Variants in FBLN5 observed in about 807,000 individuals in gnomAD.
The protein encoded by FBLN5 is fibulin 5.
A neutral mutation model predicts 61.6 loss-of-function variants in FBLN5; 24 were observed. That is an observed-to-expected ratio of 0.39 (90% confidence interval 0.28 to 0.55). FBLN5 has a LOEUF of 0.55. FBLN5 is among the 20% of genes least tolerant of loss of function. FBLN5 has a pLI of 0.65. For missense variants in FBLN5, 470 were observed against 594.1 expected (o/e 0.79, Z 2.17); for synonymous variants, 213 against 219.8 (o/e 0.97, Z 0.27).
intron 1 of FBLN5, among the ~76,000 whole-genome samples, chr14:91,944,771 G>A (rs927981557): frequency 2.0e-5 from 3 of 152,194 alleles, no homozygotes; most frequent in Non-Finnish European, 2.9e-5. Context: ...GACAAAAAGT[G>A]GAATGTTGGT....
intron 4 of FBLN5, among the ~76,000 whole-genome samples, chr14:91,905,364 G>A (rs1046793525): frequency 6.6e-6 from 1 of 152,146 alleles, no homozygotes; most frequent in Non-Finnish European, 1.5e-5. Context: ...ATGTGAGGGC[G>A]CTGCAGAGGG....
At chr14:91,910,473 G>A (rs1046611232) in intron 4 of FBLN5, among the ~76,000 whole-genome samples, 8 of 152,126 alleles carry the variant, frequency 5.3e-5, no homozygotes, top group South Asian at 4.1e-4. Context: ...TCACACTACC[G>A]CGCTGTGCAC....
intron 10 of FBLN5, among the ~76,000 whole-genome samples, chr14:91,870,976 A>T (rs1888896505): frequency 6.6e-6 from 1 of 152,162 alleles, no homozygotes; most frequent in Non-Finnish European, 1.5e-5. Flanking sequence ...GACACAAAGA[A>T]GGGAAAAACA....
At chr14:91,899,450 T>C (rs1890368128) in intron 4 of FBLN5, among the ~76,000 whole-genome samples, 1 of 152,218 alleles carries the variant, frequency 6.6e-6, no homozygotes. Flanking sequence ...AGCCCAGCAC[T>C]GCCCCTGCCA....
At chr14:91,888,749 G>A (rs1889849526) in intron 6 of FBLN5, among the ~76,000 whole-genome samples, 1 of 152,130 alleles carries the variant, frequency 6.6e-6, no homozygotes, top group Admixed American at 6.5e-5. Flanking sequence ...ACTGGAACAT[G>A]AGTCAGGGGT....
Position 91,869,807 on chromosome 14 carries a change from C to A in FBLN5, c.*417G>T. 1 of 256,876 alleles carries A rather than the reference C, an allele frequency of 3.9e-6. No homozygotes were observed. The highest frequency in any genetic ancestry group is 7.7e-6 in the Non-Finnish European group (1 of 129,862). 15.9% of individuals were successfully genotyped at this position (256,876 alleles called of 1,614,324 possible). A position where few individuals can be genotyped will look rare whatever the true frequency, so the allele number is the denominator to read the frequency against. Reference sequence around the variant, plus strand: ...ACTCCCAGGGTTCCCCGCCAGCTCCCGGGTCTTTGCAAAGCAGTAACACAG... The same window carrying A: ...ACTCCCAGGGTTCCCCGCCAGCTCCAGGGTCTTTGCAAAGCAGTAACACAG... On this transcript the variant is annotated 3_prime_UTR_variant, in exon 11 of 11. Transcript: ENST00000342058.
chr14:91,877,133 G>T (rs868651250), intron 10 of FBLN5, among the ~76,000 whole-genome samples: 1 of 152,132 alleles, frequency 6.6e-6, no homozygotes, highest in Non-Finnish European at 1.5e-5. Flanking sequence ...ATCAGCCCCC[G>T]TGCCTGGCCT....
rs1216536324 is a variant in FBLN5 at position 91,887,233 on chromosome 14, G to T, written c.699C>A (p.Asp233Glu). 1.2e-6 allele frequency: 2 copies of T among 1,613,576 alleles called. No individual in the cohort carries two copies. The highest frequency in any genetic ancestry group is 1.7e-5 in the Admixed American group (1 of 59,924). The change falls in exon 7 of 11, where the codon GAC becomes GAA. Residue 233 changes from aspartate to glutamate, a missense_variant. Coordinates refer to ENST00000342058, the MANE Select transcript of FBLN5 (RefSeq NM_006329.4). The stretch of plus-strand genomic sequence containing the variant: ...CATCTTCCTCAAGTTCATATCCTGG[G>T]TCACAGCGGCAGATGAAAGAGCCGT... Reference protein sequence around the residue: ...NTYGSFICRCDPGYELEEDGV... With the variant: ...NTYGSFICRCEPGYELEEDGV...
intron 10 of FBLN5, among the ~76,000 whole-genome samples, chr14:91,876,249 TTC>T: frequency 6.6e-6 from 1 of 152,164 alleles, no homozygotes; most frequent in Non-Finnish European, 1.5e-5. Flanking sequence ...TCGGGAAGAT[TTC>T]TGTCTTCCTG....
chr14:91,929,800 C>T (rs543382214), intron 4 of FBLN5, among the ~76,000 whole-genome samples: 5 of 152,336 alleles, frequency 3.3e-5, no homozygotes, highest in South Asian at 2.1e-4. Flanking sequence ...GGACCAGCAG[C>T]GTGGCATCAC....
intron 4 of FBLN5, among the ~76,000 whole-genome samples, chr14:91,908,975 T>C (rs1380354002): frequency 2.0e-5 from 3 of 152,024 alleles, no homozygotes; most frequent in Non-Finnish European, 2.9e-5. Context: ...TGGAGTGAAG[T>C]GGCGCAATCT....
chr14:91,870,068 A>G lies in FBLN5; in HGVS notation c.*156T>C, dbSNP rs975832150. 1.5e-5 allele frequency: 11 copies of G among 749,970 alleles called. No individual in the cohort carries two copies. The highest frequency in any genetic ancestry group is 2.5e-4 in the Middle Eastern group (1 of 4,016). 46.5% of individuals were successfully genotyped at this position (749,970 alleles called of 1,614,324 possible). A position where few individuals can be genotyped will look rare whatever the true frequency, so the allele number is the denominator to read the frequency against. On this transcript the variant is annotated 3_prime_UTR_variant, in exon 11 of 11. Transcript: ENST00000342058. ...TGCAGGGTGACAGGTCTGCAATAGT[A>G]CAGGTGAGAGTCAGGAAGTCGGGGC...
chr14:91,872,287 CTGA>C (rs772669068), intron 10 of FBLN5, among the ~76,000 whole-genome samples: 1 of 152,146 alleles, frequency 6.6e-6, no homozygotes, highest in Non-Finnish European at 1.5e-5. Context: ...TCAGAAGAGG[CTGA>C]TGTGTGTTTC....
chr14:91,871,033 T>C (rs1018023642), intron 10 of FBLN5, among the ~76,000 whole-genome samples: 20 of 151,894 alleles, frequency 1.3e-4, no homozygotes, highest in Admixed American at 7.2e-4. Flanking sequence ...AGGGAGGGGA[T>C]TGAAAAACTA....
chr14:91,891,980 C>T (rs1425537355), intron 5 of FBLN5, among the ~76,000 whole-genome samples: 1 of 152,212 alleles, frequency 6.6e-6, no homozygotes, highest in Non-Finnish European at 1.5e-5. Flanking sequence ...CCCTGAATCT[C>T]CTCCTTGCAC....
At chr14:91,929,166 A>T (rs1267383901) in intron 4 of FBLN5, among the ~76,000 whole-genome samples, 1 of 150,894 alleles carries the variant, frequency 6.6e-6, no homozygotes, top group Non-Finnish European at 1.5e-5. Flanking sequence ...TCAGTGCATT[A>T]AAAAAAAATT....
intron 3 of FBLN5, 50 bp downstream of exon 3, chr14:91,940,515 A>G: frequency 7.1e-7 from 1 of 1,417,818 alleles, no homozygotes; most frequent in Non-Finnish European, 1.0e-6. Context: ...ATAGCACTGC[A>G]ACTGGGCTGA....
In FBLN5 at chr14:91,877,659, T is replaced by C; in HGVS notation, c.1013A>G (p.Asn338Ser). The C allele has an allele frequency of 6.2e-7, 1 of 1,614,076 alleles. No individual in the cohort carries two copies. The highest frequency in any genetic ancestry group is 1.7e-4 in the Middle Eastern group (1 of 6,046). Residue 338 changes from asparagine to serine, a missense_variant, in exon 10 of 11, where the codon AAC (asparagine) becomes AGC (serine). By Grantham distance (46) the Asn-to-Ser change is conservative. Coordinates refer to ENST00000342058, the MANE Select transcript of FBLN5 (RefSeq NM_006329.4). Reference protein sequence around the residue: ...SDNRCMCPAENPGCRDQPFTI... With the variant: ...SDNRCMCPAESPGCRDQPFTI... ...AAAGGGCTGGTCTCTGCAGCCAGGG[T>C]TCTCAGCAGGACACATACAGCGGCT...
Position 91,932,927 on chromosome 14 carries a change from T to C in FBLN5, c.379+4020A>G, listed in dbSNP as rs2055950306. 5.3e-5 allele frequency among the ~76,000 whole-genome samples: 8 copies of C among 152,372 alleles called. No individual in the cohort carries two copies. In the South Asian group the frequency reaches 1.5e-3, roughly 28 times the overall value. On this transcript the variant is annotated intron_variant, in intron 4 of 10. Transcript: ENST00000342058. ...AACAAACCAACAGACAACAGGCTGC[T>C]GAGATGGCTTCGTATGCATGGCCCC...
Sources: allele counts gnomAD v4.1 joint callset (sites outside exome capture counted in the v4.1 genomes callset), GRCh38; gene constraint gnomAD v4.1.1; transcripts MANE v1.5; gene names NCBI Gene and HGNC (gene_info 2026-07-23, HGNC 2026-07-21).